The following DIS3L2 variants were observed in gnomAD, a reference collection of about 807,000 sequenced individuals.
DIS3L2 encodes DIS3-like exonuclease 2.
Under a neutral mutation model 97.5 loss-of-function variants are expected in DIS3L2, and 34 were observed. That is an observed-to-expected ratio of 0.35 (90% CI 0.27 to 0.46). The LOEUF is 0.46. DIS3L2 is among the 20% of genes least tolerant of loss of function. DIS3L2 has a pLI of 1.00. For missense variants in DIS3L2, 1,038 were observed against 1,146.0 expected, an observed-to-expected ratio of 0.91 and a Z score of 1.36; for synonymous variants, 435 against 445.2, an observed-to-expected ratio of 0.98 and a Z score of 0.29.
chr2:232,091,442 A>C (rs905051833), intron 6 of DIS3L2, among the ~76,000 whole-genome samples: 3 of 152,212 alleles, frequency 2.0e-5, no homozygotes, highest in African/African-American at 7.2e-5. Flanking sequence ...TTCACTTAAC[A>C]TAATGACCTC....
At position 232,214,257 on chromosome 2, in the gene DIS3L2, G is replaced by A. The variant is rs147724403; in HGVS notation, c.1204+3852G>A. 4.6e-5 allele frequency among the ~76,000 whole-genome samples: 7 copies of A among 152,194 alleles called. No homozygotes were observed. In the East Asian group the frequency reaches 9.7e-4, roughly 21 times the overall value. On this transcript the variant is annotated intron_variant, in intron 10 of 20. Coordinates refer to ENST00000325385, the MANE Select transcript of DIS3L2 (RefSeq NM_152383.5). ...GTTGTCAGATCACTCTCTGGTTTTC[G>A]AATTACCTCCACTGCATCCACTTAT...
At chr2:232,059,894 C>T (rs1315653201) in intron 5 of DIS3L2, among the ~76,000 whole-genome samples, 1 of 152,022 alleles carries the variant, frequency 6.6e-6, no homozygotes, top group Non-Finnish European at 1.5e-5. Flanking sequence ...TTGGACTGGG[C>T]ACCTAGGTTG....
chr2:232,157,432 C>A (rs1234157405), intron 8 of DIS3L2, among the ~76,000 whole-genome samples: 1 of 152,194 alleles, frequency 6.6e-6, no homozygotes, highest in Non-Finnish European at 1.5e-5. Context: ...CTTAGTAAGT[C>A]AGATCATTAC....
At chr2:232,197,798 C>T (rs1305587921) in intron 9 of DIS3L2, among the ~76,000 whole-genome samples, 1 of 151,858 alleles carries the variant, frequency 6.6e-6, no homozygotes, top group Non-Finnish European at 1.5e-5. Flanking sequence ...GAAACCCCGT[C>T]TCTACAAAAA....
intron 7 of DIS3L2, chr2:232,131,929 T>C (rs1171720769): frequency 8.1e-6 from 1 of 123,202 alleles, no homozygotes; most frequent in Non-Finnish European, 1.6e-5. Flanking sequence ...AAATTTTGAC[T>C]TCATGGCTTT....
chr2:232,174,227 T>C (rs1218415385), intron 9 of DIS3L2, among the ~76,000 whole-genome samples: 2 of 152,194 alleles, frequency 1.3e-5, no homozygotes, highest in Non-Finnish European at 2.9e-5. Flanking sequence ...CCAAATTATT[T>C]ATTGCTAATG....
intron 5 of DIS3L2, among the ~76,000 whole-genome samples, chr2:232,077,969 C>CTTTCTTTCT (rs1559602204): frequency 4.9e-5 from 6 of 122,960 alleles, no homozygotes; most frequent in Non-Finnish European, 1.0e-4. Context: ...TTCTTTCTTT[C>CTTTCTTTCT]TTTCTTTCTT....
intron 6 of DIS3L2, among the ~76,000 whole-genome samples, chr2:232,101,011 G>A (rs542038448): frequency 4.6e-5 from 7 of 152,074 alleles, no homozygotes; most frequent in South Asian, 2.1e-4. Flanking sequence ...CGAGGTGGGC[G>A]GATCAGTTGA....
chr2:232,342,304 T>C (rs977279851), intron 13 of DIS3L2, among the ~76,000 whole-genome samples: 2 of 151,122 alleles, frequency 1.3e-5, no homozygotes, highest in African/African-American at 4.8e-5. Flanking sequence ...TATACACATA[T>C]ATACATATAT....
intron 9 of DIS3L2, among the ~76,000 whole-genome samples, chr2:232,191,611 A>G (rs1252442683): frequency 1.3e-5 from 2 of 152,224 alleles, no homozygotes; most frequent in Non-Finnish European, 2.9e-5. Context: ...TCTATTATAT[A>G]TGAAGAAATT....
intron 8 of DIS3L2, among the ~76,000 whole-genome samples, chr2:232,161,464 C>T (rs1314740617): frequency 1.3e-5 from 2 of 151,854 alleles, no homozygotes; most frequent in Non-Finnish European, 2.9e-5. Flanking sequence ...TCCCTCTCTC[C>T]ATTACTTCCT....
rs11694126 is a variant in DIS3L2 at position 232,261,527 on chromosome 2, C to T, written c.1426-1680C>T. On this transcript the variant is annotated intron_variant, in intron 12 of 20. Coordinates refer to ENST00000325385, the MANE Select transcript of DIS3L2 (RefSeq NM_152383.5). The stretch of plus-strand genomic sequence containing the variant: ...GAAGATGTTGCTGTTTGAGTAGCAC[C>T]GGGGACGTGTGCATGAGGCTGATGG... 2.9e-3 allele frequency among the ~76,000 whole-genome samples: 436 copies of T among 152,242 alleles called. 1 individual carries two copies. The highest frequency in any genetic ancestry group is 4.7e-3 in the Non-Finnish European group (320 of 68,006).
chr2:232,299,773 G>A (rs1414868960), intron 13 of DIS3L2, among the ~76,000 whole-genome samples: 2 of 152,196 alleles, frequency 1.3e-5, no homozygotes, highest in Non-Finnish European at 2.9e-5. Context: ...TTCCCTCTCA[G>A]CTAGCTCATG....
intron 8 of DIS3L2, among the ~76,000 whole-genome samples, chr2:232,146,400 C>T (rs960033707): frequency 4.6e-5 from 7 of 152,112 alleles, no homozygotes; most frequent in African/African-American, 1.7e-4. Context: ...TATAAAAATG[C>T]CTGACTCAGA....
intron 14 of DIS3L2, 28 bp from the exon 15 acceptor site, chr2:232,329,785 T>TGCCGGGGGGGGGCCCCCCCCC: frequency 1.0e-6 from 1 of 967,144 alleles, no homozygotes; most frequent in Non-Finnish European, 1.5e-6. Context: ...ACCCCAGCGG[T>TGCCGGGGGGGGGCCCCCCCCC]CCCTCCCATC....
At chr2:232,338,959 A>T (rs1370967855), downstream of DIS3L2, among the ~76,000 whole-genome samples, 2 of 152,190 alleles carry the variant, frequency 1.3e-5, no homozygotes, top group African/African-American at 2.4e-5. Context: ...TGGGGGAGGG[A>T]GGGAGAGGTA....
chr2:232,284,395 C>T (rs1219767679), intron 13 of DIS3L2, among the ~76,000 whole-genome samples: 2 of 152,218 alleles, frequency 1.3e-5, no homozygotes, highest in Non-Finnish European at 2.9e-5. Flanking sequence ...ACTGCACCCA[C>T]CCTGTGAGTC....
intron 10 of DIS3L2, among the ~76,000 whole-genome samples, chr2:232,224,372 G>A (rs1692584161): frequency 6.6e-6 from 1 of 152,082 alleles, no homozygotes; most frequent in Non-Finnish European, 1.5e-5. Context: ...ATAGATCTGA[G>A]TATGAAAGTA....
At chr2:232,086,573 G>A (rs1202554902) in intron 5 of DIS3L2, among the ~76,000 whole-genome samples, 1 of 135,590 alleles carries the variant, frequency 7.4e-6, no homozygotes, top group East Asian at 2.1e-4. Flanking sequence ...GAAACTAAAG[G>A]CCTGAGCCTT....
Sources: gnomAD v4.1 joint callset for allele counts (sites outside exome capture counted in the v4.1 genomes callset) on GRCh38, gnomAD v4.1.1 for gene constraint, MANE v1.5 for transcripts, NCBI Gene and HGNC (gene_info 2026-07-23, HGNC 2026-07-21) for gene names.